Variants in BCKDHB observed in about 807,000 individuals in gnomAD.
The protein encoded by BCKDHB is branched chain keto acid dehydrogenase E1 subunit beta, also known as 2-oxoisovalerate dehydrogenase subunit beta, mitochondrial.
BCKDHB carries 41 observed loss-of-function variants against 48.5 expected under a neutral mutation model. That is an observed-to-expected ratio of 0.85 (90% CI 0.66 to 1.10). The LOEUF (loss-of-function observed/expected upper bound fraction) is 1.10. Ranked by LOEUF, BCKDHB falls within the 50% of genes least tolerant of loss-of-function variation. BCKDHB has a pLI of 0.00. For synonymous variants in BCKDHB, 201 were observed against 174.8 expected (o/e 1.15, Z -1.18); for missense variants, 496 against 494.2 (o/e 1.00, Z -0.03).
At chr6:80,426,481 A>G in the BCKDHB span, among the ~76,000 whole-genome samples, 1 of 152,084 alleles carries the variant, frequency 6.6e-6, no homozygotes, top group Non-Finnish European at 1.5e-5. Context: ...TCCTGTAAGC[A>G]CTGCTTTAGC....
At chr6:80,205,603 G>A (rs562659206) in intron 8 of BCKDHB, among the ~76,000 whole-genome samples, 1 of 152,156 alleles carries the variant, frequency 6.6e-6, no homozygotes, top group Admixed American at 6.6e-5. Context: ...GAAAGGAGCA[G>A]AGTCTTTGAC....
the BCKDHB span, among the ~76,000 whole-genome samples, chr6:80,427,613 A>C: frequency 6.6e-6 from 1 of 152,036 alleles, no homozygotes; most frequent in African/African-American, 2.4e-5. Context: ...TATTTCCTTT[A>C]ATATTTCTTT....
intron 3 of BCKDHB, among the ~76,000 whole-genome samples, chr6:80,165,987 A>G (rs1334022582): frequency 6.6e-6 from 1 of 152,192 alleles, no homozygotes; most frequent in Non-Finnish European, 1.5e-5. Context: ...CTGACACCTC[A>G]GATCAACCAG....
At chr6:80,276,447 A>T (rs900846533) in intron 9 of BCKDHB, among the ~76,000 whole-genome samples, 1 of 151,970 alleles carries the variant, frequency 6.6e-6, no homozygotes, top group Non-Finnish European at 1.5e-5. Context: ...TGGTATTTTT[A>T]GATAGAAAAA....
the BCKDHB span, among the ~76,000 whole-genome samples, chr6:80,428,336 G>A: frequency 3.3e-5 from 5 of 152,122 alleles, no homozygotes; most frequent in South Asian, 2.1e-4. Context: ...AAACATACGT[G>A]TGCATGTGTC....
intron 8 of BCKDHB, among the ~76,000 whole-genome samples, chr6:80,210,463 A>G (rs950410991): frequency 4.6e-5 from 7 of 152,108 alleles, no homozygotes; most frequent in African/African-American, 7.2e-5. Flanking sequence ...TGTAAGGGCT[A>G]TGAGTTGCTG....
intron 6 of BCKDHB, among the ~76,000 whole-genome samples, chr6:80,180,192 T>G (rs1224840656): frequency 6.6e-6 from 1 of 152,252 alleles, no homozygotes. Context: ...TTTCTCCTTA[T>G]TTTGAATATG....
intron 8 of BCKDHB, among the ~76,000 whole-genome samples, chr6:80,219,579 G>A (rs970791798): frequency 3.3e-5 from 5 of 152,076 alleles, no homozygotes; most frequent in African/African-American, 9.7e-5. Flanking sequence ...ACAATCACCA[G>A]GGATGTTTCT....
the BCKDHB span, among the ~76,000 whole-genome samples, chr6:80,378,811 CT>C: frequency 6.6e-6 from 1 of 152,032 alleles, no homozygotes; most frequent in Non-Finnish European, 1.5e-5. Flanking sequence ...TGTTTTTTAA[CT>C]TTGCAATAAT....
intron 8 of BCKDHB, among the ~76,000 whole-genome samples, chr6:80,206,344 T>C (rs780159135): frequency 5.3e-5 from 8 of 152,048 alleles, no homozygotes; most frequent in Non-Finnish European, 1.0e-4. Context: ...TAAACCAGCA[T>C]TCAATAAAAA....
At chr6:80,115,103 A>G (rs550846183) in intron 1 of BCKDHB, among the ~76,000 whole-genome samples, 15 of 152,260 alleles carry the variant, frequency 9.9e-5, no homozygotes, top group African/African-American at 3.4e-4. Context: ...ACACACTGGT[A>G]CCTTACAAAG....
At chr6:80,278,996 T>A (rs983672917) in intron 9 of BCKDHB, among the ~76,000 whole-genome samples, 6 of 152,158 alleles carry the variant, frequency 3.9e-5, no homozygotes, top group Admixed American at 2.0e-4. Flanking sequence ...TCTGGAAAAA[T>A]TTGAATGTGA....
chr6:80,196,204 T>C (rs1774121629), intron 6 of BCKDHB, among the ~76,000 whole-genome samples: 1 of 152,194 alleles, frequency 6.6e-6, no homozygotes, highest in Non-Finnish European at 1.5e-5. Flanking sequence ...GACTTAGGAA[T>C]ATAATTTATA....
At chr6:80,218,054 G>A (rs1194460662) in intron 8 of BCKDHB, among the ~76,000 whole-genome samples, 1 of 152,106 alleles carries the variant, frequency 6.6e-6, no homozygotes, top group East Asian at 1.9e-4. Flanking sequence ...TCTGCTTTGC[G>A]TTTTGCTTTG....
chr6:80,313,720 T>C (rs1215076607), intron 9 of BCKDHB, among the ~76,000 whole-genome samples: 1 of 152,206 alleles, frequency 6.6e-6, no homozygotes, highest in Non-Finnish European at 1.5e-5. Context: ...CCTAGATTTG[T>C]TGATGTTTTG....
intron 4 of BCKDHB, 122 bp downstream of exon 4, chr6:80,167,933 A>G: frequency 9.4e-7 from 1 of 1,059,586 alleles, no homozygotes; most frequent in Middle Eastern, 2.0e-4. Context: ...AATGTATTAC[A>G]ATTATAATTT....
intron 3 of BCKDHB, among the ~76,000 whole-genome samples, chr6:80,145,419 C>G (rs1208883822): frequency 6.6e-6 from 1 of 152,176 alleles, no homozygotes; most frequent in Non-Finnish European, 1.5e-5. Context: ...TTCCCCCAAA[C>G]CACCTCATCC....
At chr6:80,416,245 G>GTTTTTTTTTTTTTTTTTTTTT in the BCKDHB span, among the ~76,000 whole-genome samples, 1 of 139,404 alleles carries the variant, frequency 7.2e-6, no homozygotes, top group Non-Finnish European at 1.6e-5. Flanking sequence ...TTTTGAATAG[G>GTTTTTTTTTTTTTTTTTTTTT]TTTTTTTTTT....
chr6:80,145,440 T>C (rs1317187495), intron 3 of BCKDHB, among the ~76,000 whole-genome samples: 2 of 152,164 alleles, frequency 1.3e-5, no homozygotes, highest in Non-Finnish European at 2.9e-5. Context: ...ATACATCAAA[T>C]CTAAGTAAAA....
Sources: allele counts gnomAD v4.1 joint callset (sites outside exome capture counted in the v4.1 genomes callset), GRCh38; gene constraint gnomAD v4.1.1; transcripts MANE v1.5; gene names NCBI Gene and HGNC (gene_info 2026-07-23, HGNC 2026-07-21).